DLEU7: variants seen among roughly 807,000 people sequenced by gnomAD.
The protein encoded by DLEU7 is deleted in lymphocytic leukemia 7, also known as leukemia-associated protein 7.
DLEU7 carries 17 observed loss-of-function variants against 16.0 expected under a neutral mutation model. That is an observed-to-expected ratio of 1.06 (90% CI 0.73 to 1.59). DLEU7 has a LOEUF of 1.59. DLEU7 is among the 40% of genes most tolerant of loss of function. DLEU7 has a pLI of 0.00. For synonymous variants in DLEU7, 113 were observed against 139.8 expected (o/e 0.81, Z 1.35); for missense variants, 308 against 314.9 (o/e 0.98, Z 0.17).
chr13:50,781,310 C>A (rs1044968515), intron 1 of DLEU7, among the ~76,000 whole-genome samples: 1 of 152,148 alleles, frequency 6.6e-6, no homozygotes, highest in South Asian at 2.1e-4. Flanking sequence ...ACAAAAATAG[C>A]GAAGCACATT....
Position 50,823,599 on chromosome 13 carries a change from C to T in DLEU7, c.460-79G>A, listed in dbSNP as rs950735600. 6 of 1,474,634 alleles carry T rather than the reference C, an allele frequency of 4.1e-6. No individual in the cohort carries two copies. The South Asian group carries it at 7.6e-5, about 19-fold the overall frequency. 91.3% of individuals were successfully genotyped at this position (1,474,634 alleles called of 1,614,324 possible). ...TGTTGTACTTTGCTTACCCAGCTTC[C>T]ATTCTTTTCTCTTCTGGTGACAGCA... On this transcript the variant is annotated intron_variant, in intron 1 of 1. Transcript: ENST00000504404.
intron 1 of DLEU7, among the ~76,000 whole-genome samples, chr13:50,802,693 T>C (rs1876284053): frequency 6.6e-6 from 1 of 152,184 alleles, no homozygotes; most frequent in South Asian, 2.1e-4. Context: ...GGATATACAC[T>C]AAAGAGTAAC....
chr13:50,743,434 A>C (rs574681420), intron 1 of DLEU7, among the ~76,000 whole-genome samples: 6 of 152,300 alleles, frequency 3.9e-5, no homozygotes, highest in African/African-American at 1.4e-4. Flanking sequence ...AAACAGACCT[A>C]AGATTTAAAT....
intron 1 of DLEU7, among the ~76,000 whole-genome samples, chr13:50,776,948 A>G (rs1051496847): frequency 7.9e-5 from 12 of 152,148 alleles, no homozygotes; most frequent in Non-Finnish European, 1.5e-4. Flanking sequence ...AACATTTCAC[A>G]TGAAAATCCA....
chr13:50,755,836 G>C (rs900474019), intron 1 of DLEU7, among the ~76,000 whole-genome samples: 22 of 152,026 alleles, frequency 1.4e-4, no homozygotes, highest in African/African-American at 5.1e-4. Context: ...TTTTCATTTA[G>C]GTAGGCTCCG....
chr13:50,828,773 T>A lies in DLEU7; in HGVS notation c.460-5253A>T, dbSNP rs532821109. On this transcript the variant is annotated intron_variant, in intron 1 of 1. Transcript: ENST00000504404. ...CTGACAAAGTGCTTATTAGAAAACATCCCTCAGAAACAAAACCAATGTTCA... is the reference window on the plus strand; with the variant it reads ...CTGACAAAGTGCTTATTAGAAAACAACCCTCAGAAACAAAACCAATGTTCA... 2.0e-5 allele frequency among the ~76,000 whole-genome samples: 3 copies of A among 152,192 alleles called. No homozygotes were observed. In the South Asian group the frequency reaches 6.2e-4, roughly 32 times the overall value.
rs199750498 is a variant in DLEU7 at position 50,804,432 on chromosome 13, CTGT to C, written c.459+38753_459+38755del. 7.7e-5 allele frequency among the ~76,000 whole-genome samples: 10 copies of C among 129,648 alleles called. No homozygotes were observed. The East Asian group carries it at 1.8e-3, about 24-fold the overall frequency. 85.1% of individuals were successfully genotyped at this position (129,648 alleles called of 152,430 possible). The stretch of plus-strand genomic sequence containing the variant: ...TCGTTTTATGGGGTTTTTTTTTTTT[CTGT>C]TGTTGTTGTTTTTGTTTTTGAGACA... On this transcript the variant is annotated intron_variant, in intron 1 of 1. Transcript: ENST00000400393.
intron 1 of DLEU7, among the ~76,000 whole-genome samples, chr13:50,723,493 G>C (rs987081306): frequency 2.0e-5 from 3 of 151,720 alleles, no homozygotes; most frequent in African/African-American, 7.3e-5. Context: ...AGGCGGGGTG[G>C]CTTAAACAAC....
intron 1 of DLEU7, among the ~76,000 whole-genome samples, chr13:50,752,557 A>T (rs886279312): frequency 1.5e-4 from 22 of 151,586 alleles, no homozygotes; most frequent in African/African-American, 5.1e-4. Context: ...GTTCCTTCTG[A>T]TGTTCGGATG....
intron 1 of DLEU7, among the ~76,000 whole-genome samples, chr13:50,779,004 T>G (rs1447163998): frequency 6.6e-6 from 1 of 152,194 alleles, no homozygotes; most frequent in Non-Finnish European, 1.5e-5. Context: ...ACATTTGTAT[T>G]TTCTCACAAA....
downstream of DLEU7, chr13:50,822,508 C>A: frequency 2.1e-6 from 1 of 475,914 alleles, no homozygotes; most frequent in Non-Finnish European, 2.7e-6. Context: ...AAAAAAAAAT[C>A]ACCTTCTCTC....
At chr13:50,774,385 A>C (rs61138116) in intron 1 of DLEU7, among the ~76,000 whole-genome samples, 2,445 of 152,212 alleles carry the variant, frequency 0.016, 68 homozygotes, top group African/African-American at 0.055. Context: ...AGCTGTTCTT[A>C]CTTGGCCATC....
Position 50,801,038 on chromosome 13 carries a change from T to C in DLEU7, c.459+42150A>G, listed in dbSNP as rs146497011. Among the ~76,000 whole-genome samples, 269 of 152,246 alleles carry C rather than the reference T, an allele frequency of 1.8e-3. 1 individual carries two copies. Among genetic ancestry groups the C allele is most frequent in the African/African-American group, 6.2e-3 (256 of 41,532 alleles). On this transcript the variant is annotated intron_variant, in intron 1 of 1. Coordinates refer to the DLEU7 transcript ENST00000400393. Reference sequence around the variant, plus strand: ...TTTGGAATGAATGTTTGAAGAGGCTTTTCACATTTCATAGAAATGAGGATT... The same window carrying C: ...TTTGGAATGAATGTTTGAAGAGGCTCTTCACATTTCATAGAAATGAGGATT...
rs116290416 is a variant in DLEU7, at chr13:50,758,378, C to T, written c.460-45138G>A. On this transcript the variant is annotated intron_variant, in intron 1 of 1. Transcript: ENST00000400393. Reference sequence around the variant, plus strand: ...AGGTTTCTTTTGTCCTTATTTCACTCTTGTATTAGTTATCCACTGCTGCAT... The same window carrying T: ...AGGTTTCTTTTGTCCTTATTTCACTTTTGTATTAGTTATCCACTGCTGCAT... Among the ~76,000 whole-genome samples, 347 of 126,938 alleles carry T rather than the reference C, an allele frequency of 2.7e-3. 1 individual carries two copies. Among genetic ancestry groups the T allele is most frequent in the African/African-American group, 0.011 (333 of 29,538 alleles). 83.3% of individuals were successfully genotyped at this position (126,938 alleles called of 152,430 possible). A position where few individuals can be genotyped will look rare whatever the true frequency, so the allele number is the denominator to read the frequency against.
intron 1 of DLEU7, among the ~76,000 whole-genome samples, chr13:50,770,510 TC>T (rs1432766573): frequency 6.6e-6 from 1 of 152,248 alleles, no homozygotes; most frequent in Non-Finnish European, 1.5e-5. Flanking sequence ...AAAGGCCTTT[TC>T]TGCATCTATT....
chr13:50,740,663 A>G (rs1874228373), intron 1 of DLEU7, among the ~76,000 whole-genome samples: 1 of 152,302 alleles, frequency 6.6e-6, no homozygotes, highest in Non-Finnish European at 1.5e-5. Context: ...AAGGAAGCCT[A>G]TATGAGGCGA....
exon 2 of DLEU7, chr13:50,712,869 C>G (rs1873334281): frequency 3.8e-6 from 1 of 262,974 alleles, no homozygotes; most frequent in African/African-American, 2.2e-5. Flanking sequence ...ATAACATCCA[C>G]TTTTCCAGGG....
chr13:50,735,150 A>C (rs1874027419), intron 1 of DLEU7, among the ~76,000 whole-genome samples: 1 of 152,184 alleles, frequency 6.6e-6, no homozygotes, highest in South Asian at 2.1e-4. Flanking sequence ...AAATACCTGG[A>C]GCAAATATTG....
At chr13:50,744,871 C>G (rs1018477353) in intron 1 of DLEU7, among the ~76,000 whole-genome samples, 5 of 152,138 alleles carry the variant, frequency 3.3e-5, no homozygotes, top group African/African-American at 1.2e-4. Flanking sequence ...AACGTTGGAC[C>G]ACTTCACACC....
Sources: gnomAD v4.1 joint callset for allele counts (sites outside exome capture counted in the v4.1 genomes callset) on GRCh38, gnomAD v4.1.1 for gene constraint, MANE v1.5 for transcripts, NCBI Gene and HGNC (gene_info 2026-07-23, HGNC 2026-07-21) for gene names.